Variants in HAUS6 observed in about 807,000 individuals in gnomAD.
HAUS6 encodes the protein HAUS augmin-like complex subunit 6.
A neutral mutation model predicts 106.8 loss-of-function variants in HAUS6; 80 were observed. The ratio of observed to expected loss-of-function variants is 0.75; its 90% CI spans 0.63 to 0.90. HAUS6 has a LOEUF of 0.90. Ranked by LOEUF, HAUS6 falls within the 40% of genes least tolerant of loss-of-function variation. HAUS6 has a pLI of 0.00. For missense variants in HAUS6, 1,155 were observed against 1,118.1 expected (o/e 1.03, Z -0.47); for synonymous variants, 356 against 379.1 (o/e 0.94, Z 0.71).
intron 12 of HAUS6, among the ~76,000 whole-genome samples, chr9:19,068,576 G>C (rs1836817287): frequency 6.6e-6 from 1 of 152,118 alleles, no homozygotes; most frequent in Non-Finnish European, 1.5e-5. Flanking sequence ...AACTTACTAA[G>C]ATGGCATAGA....
chr9:19,078,421 A>G (rs1432941332), intron 9 of HAUS6, 119 bp from the exon 10 acceptor site: 7 of 614,576 alleles, frequency 1.1e-5, no homozygotes, highest in Non-Finnish European at 2.0e-5. Context: ...AAGTTCAATC[A>G]ATATACCACA....
Position 19,063,174 on chromosome 9 carries a change from G to C in HAUS6, c.1463C>G (p.Pro488Arg). 1 of 1,601,830 alleles carries C rather than the reference G, an allele frequency of 6.2e-7. No homozygotes were observed. The highest frequency in any genetic ancestry group is 8.5e-7 in the Non-Finnish European group (1 of 1,171,464). ...AGAAATTGCTTCATTTTTTTCTTTG[G>C]GAGTTCCCATCTTTGTGTCCTGAAG... ...VLEKDTKMGT[P>R]KEKNEAISKK... The change falls in exon 14 of 17, where the codon CCC becomes CGC. Residue 488 changes from proline to arginine, a missense_variant. Pro to Arg is a moderately radical substitution (Grantham distance 103). This residue lies in a region of HAUS6 where 761 missense variants were observed against 690.0 expected (regional missense o/e 1.10). Coordinates refer to ENST00000380502, the MANE Select transcript of HAUS6 (RefSeq NM_017645.5).
chr9:19,068,028 G>T (rs939509252), intron 12 of HAUS6, among the ~76,000 whole-genome samples: 2 of 151,466 alleles, frequency 1.3e-5, no homozygotes, highest in African/African-American at 4.9e-5. Flanking sequence ...GGTTTAATGG[G>T]GTTCATGAAT....
intron 11 of HAUS6, among the ~76,000 whole-genome samples, chr9:19,076,124 C>G (rs1353525493): frequency 3.3e-5 from 5 of 151,538 alleles, no homozygotes; most frequent in Admixed American, 3.3e-4. Flanking sequence ...CTTTGGGAGG[C>G]TGAGACGGGT....
At position 19,062,999 on chromosome 9, in the gene HAUS6, T is replaced by G; in HGVS notation, c.1629+9A>C. On this transcript the variant is annotated intron_variant, in intron 14 of 16. Transcript: ENST00000380502. Reference sequence around the variant, plus strand: ...ATATTTAAGTATACTCATTACAGTCTTTTCTCACCTCTTCTACCAGATGAT... The same window carrying G: ...ATATTTAAGTATACTCATTACAGTCGTTTCTCACCTCTTCTACCAGATGAT... The G allele has an allele frequency of 1.3e-6, 2 of 1,596,570 alleles. No individual in the cohort carries two copies. The highest frequency in any genetic ancestry group is 1.7e-6 in the Non-Finnish European group (2 of 1,166,622).
rs1481184569 is a variant in HAUS6, at chr9:19,053,612, A to C, written c.*2731T>G. On this transcript the variant is annotated 3_prime_UTR_variant, in exon 17 of 17. Coordinates refer to ENST00000380502, the MANE Select transcript of HAUS6 (RefSeq NM_017645.5). ...TCCTCTTTAAACATTTAAAATAATT[A>C]GAACATTTTAGCATTATCTCAGGTT... is the stretch of plus-strand genomic sequence containing the variant. 1.3e-5 allele frequency: 2 copies of C among 152,224 alleles called. No homozygotes were observed. The highest frequency in any genetic ancestry group is 4.8e-5 in the African/African-American group (2 of 41,480). 9.4% of individuals were successfully genotyped at this position (152,224 alleles called of 1,614,324 possible).
chr9:19,086,181 C>A (rs576348098), intron 7 of HAUS6, among the ~76,000 whole-genome samples: 1 of 151,850 alleles, frequency 6.6e-6, no homozygotes. Context: ...CATATTGGCA[C>A]ACACCTGTAA....
At chr9:19,075,035 C>A (rs1186060923) in intron 11 of HAUS6, among the ~76,000 whole-genome samples, 2 of 152,160 alleles carry the variant, frequency 1.3e-5, no homozygotes, top group African/African-American at 4.8e-5. Context: ...GTAGAGGATA[C>A]AATGGCATGT....
At chr9:19,089,322 G>A in intron 5 of HAUS6, 90 bp downstream of exon 5, 2 of 797,808 alleles carry the variant, frequency 2.5e-6, no homozygotes, top group Non-Finnish European at 4.1e-6. Flanking sequence ...AAGGTTTTCA[G>A]GTAGGCATGG....
At chr9:19,076,529 A>G (rs887266358) in intron 11 of HAUS6, 73 bp downstream of exon 11, 11 of 750,486 alleles carry the variant, frequency 1.5e-5, no homozygotes, top group African/African-American at 7.2e-5. Context: ...AGGAATTTAA[A>G]GAACTATTAT....
At chr9:19,071,377 G>C (rs1836878640) in intron 11 of HAUS6, among the ~76,000 whole-genome samples, 1 of 152,032 alleles carries the variant, frequency 6.6e-6, no homozygotes, top group African/African-American at 2.4e-5. Flanking sequence ...CCAACAATAG[G>C]AGTTTCAGAA....
intron 4 of HAUS6, among the ~76,000 whole-genome samples, chr9:19,091,745 T>C (rs1022557131): frequency 2.6e-5 from 4 of 152,144 alleles, no homozygotes; most frequent in African/African-American, 4.8e-5. Flanking sequence ...CACTGCACCC[T>C]CTGCCTCCCA....
rs531487936 is a variant in HAUS6 at position 19,083,709 on chromosome 9, G to A, written c.700-666C>T. On this transcript the variant is annotated intron_variant, in intron 7 of 16. Coordinates refer to ENST00000380502, the MANE Select transcript of HAUS6 (RefSeq NM_017645.5). ...CCCAGCTACTCGGGAGGCTGAGGCA[G>A]AAGAATGGTGTGAACCCGGCAGGCG... Among the ~76,000 whole-genome samples, 429 of 151,046 alleles carry A rather than the reference G, an allele frequency of 2.8e-3. 3 individuals carry two copies. Among genetic ancestry groups the A allele is most frequent in the Non-Finnish European group, 3.8e-3 (256 of 67,916 alleles).
chr9:19,082,798 G>A (rs1221779852), intron 8 of HAUS6, 75 bp downstream of exon 8: 3 of 770,256 alleles, frequency 3.9e-6, no homozygotes, highest in Non-Finnish European at 5.8e-6. Context: ...TCTGAAAGCA[G>A]AAGAACATTG....
chr9:19,075,933 T>A (rs1641383682), intron 11 of HAUS6, among the ~76,000 whole-genome samples: 1 of 146,710 alleles, frequency 6.8e-6, no homozygotes, highest in African/African-American at 2.5e-5. Context: ...CACTCCAGCC[T>A]GGGCAACAGA....
intron 7 of HAUS6, among the ~76,000 whole-genome samples, chr9:19,086,234 C>G (rs558735284): frequency 6.6e-6 from 1 of 151,790 alleles, no homozygotes; most frequent in Non-Finnish European, 1.5e-5. Context: ...TTGCTTGAAC[C>G]CAGGAGGTGG....
In HAUS6 at chr9:19,063,309, G is replaced by T; in HGVS notation, c.1444-116C>A. 7 of 731,058 alleles carry T rather than the reference G, an allele frequency of 9.6e-6. 1 individual carries two copies. In the South Asian group the frequency reaches 1.2e-4, roughly 13 times the overall value. 45.3% of individuals were successfully genotyped at this position (731,058 alleles called of 1,614,324 possible). On this transcript the variant is annotated intron_variant, in intron 13 of 16. Coordinates refer to ENST00000380502, the MANE Select transcript of HAUS6 (RefSeq NM_017645.5). ...CCTATAAAAGGTTGTTAATACTATT[G>T]TGAAATTGTATGTCACTGGCAGAAT...
At chr9:19,076,116 T>G (rs570409863) in intron 11 of HAUS6, among the ~76,000 whole-genome samples, 1 of 151,862 alleles carries the variant, frequency 6.6e-6, no homozygotes, top group African/African-American at 2.4e-5. Context: ...TCCCAGCACT[T>G]TGGGAGGCTG....
At chr9:19,069,863 C>T (rs10811109) in intron 12 of HAUS6, among the ~76,000 whole-genome samples, 1 of 152,006 alleles carries the variant, frequency 6.6e-6, no homozygotes, top group South Asian at 2.1e-4. Flanking sequence ...TGGGAGGCCC[C>T]GGCAGGAGGA....
Sources: gnomAD v4.1 joint callset for allele counts (sites outside exome capture counted in the v4.1 genomes callset) on GRCh38, gnomAD v4.1.1 for gene constraint, gnomAD v4.1.1 regional missense constraint, MANE v1.5 for transcripts, NCBI Gene and HGNC (gene_info 2026-07-23, HGNC 2026-07-21) for gene names.